Variants in SEMA6A observed in about 807,000 individuals in gnomAD.
SEMA6A encodes the protein semaphorin 6A, also known as semaphorin-6A.
A neutral mutation model predicts 96.8 loss-of-function variants in SEMA6A; 25 were observed. That is an observed-to-expected ratio of 0.26 (90% CI 0.19 to 0.36). The LOEUF (loss-of-function observed/expected upper bound fraction) is 0.36, where lower values mean the gene tolerates loss of function less well. SEMA6A is among the 10% of genes least tolerant of loss of function. The pLI is 1.00. For synonymous variants in SEMA6A, 612 were observed against 518.0 expected (o/e 1.18, Z -2.46); for missense variants, 1,363 against 1,323.1 (o/e 1.03, Z -0.47).
At chr5:116,525,220 G>A (rs1001109536) in intron 1 of SEMA6A, among the ~76,000 whole-genome samples, 1 of 152,166 alleles carries the variant, frequency 6.6e-6, no homozygotes, top group African/African-American at 2.4e-5. Context: ...CTTTCATGGA[G>A]CTTATATTCT....
intron 1 of SEMA6A, among the ~76,000 whole-genome samples, chr5:116,570,291 G>T (rs1209175300): frequency 1.3e-5 from 2 of 152,162 alleles, no homozygotes; most frequent in African/African-American, 4.8e-5. Context: ...AAGCCTTCAC[G>T]CTGAAATAGA....
chr5:116,532,079 G>A (rs944950616), intron 1 of SEMA6A, among the ~76,000 whole-genome samples: 9 of 152,124 alleles, frequency 5.9e-5, no homozygotes, highest in African/African-American at 1.7e-4. Context: ...CAAGTCAAAC[G>A]CTTCTATAGA....
intron 18 of SEMA6A, among the ~76,000 whole-genome samples, chr5:116,459,013 A>G (rs966181605): frequency 2.0e-5 from 3 of 152,180 alleles, no homozygotes; most frequent in Non-Finnish European, 2.9e-5. Flanking sequence ...GAGACTACAT[A>G]TAGATTCCTT....
intron 11 of SEMA6A, 44 bp from the exon 12 acceptor site, chr5:116,480,321 G>C (rs1203131076): frequency 3.7e-6 from 6 of 1,606,834 alleles, no homozygotes; most frequent in African/African-American, 2.7e-5. Flanking sequence ...CTTATTTTCT[G>C]CCTTATGGCA....
intron 1 of SEMA6A, among the ~76,000 whole-genome samples, chr5:116,538,813 T>C (rs1759837124): frequency 1.3e-5 from 2 of 152,094 alleles, no homozygotes; most frequent in African/African-American, 4.8e-5. Flanking sequence ...ACCATCATCA[T>C]CTTGAACCTT....
chr5:116,466,134 G>A (rs949948598), intron 18 of SEMA6A, among the ~76,000 whole-genome samples: 1 of 149,988 alleles, frequency 6.7e-6, no homozygotes, highest in South Asian at 2.1e-4. Flanking sequence ...ACTTTGGGAA[G>A]CCGAGGCGGG....
intron 1 of SEMA6A, among the ~76,000 whole-genome samples, chr5:116,543,208 A>G (rs1251181166): frequency 6.6e-6 from 1 of 152,160 alleles, no homozygotes; most frequent in African/African-American, 2.4e-5. Flanking sequence ...ACAACTAACT[A>G]AATTTTACTT....
chr5:116,571,479 C>T (rs1761209400), intron 1 of SEMA6A, among the ~76,000 whole-genome samples: 1 of 152,154 alleles, frequency 6.6e-6, no homozygotes, highest in Admixed American at 6.5e-5. Context: ...TGAAAAATGA[C>T]TCATAACCAA....
rs1561475507 is a variant in SEMA6A at position 116,467,764 on chromosome 5, TAC to T, written c.1730-19_1730-18del. ...TGGAATGCCCTGTTTTCATCACAAA[TAC>T]AGTTAGGAAAACATCACCAGAGAGA... is the stretch of plus-strand genomic sequence containing the variant. On this transcript the variant is annotated intron_variant, in intron 17 of 18. Transcript: ENST00000343348. 1.9e-6 allele frequency: 3 copies of T among 1,612,838 alleles called. No individual in the cohort carries two copies. Among genetic ancestry groups the T allele is most frequent in the African/African-American group, 2.7e-5 (2 of 74,846 alleles).
In SEMA6A at chr5:116,503,183, G is replaced by C. The variant is rs146329402; in HGVS notation, c.101-856C>G. ...CAAACTCAGGAGGAAAGAAAGATGA[G>C]CCACATTTAAAAGGCACTTGTTTTC... On this transcript the variant is annotated intron_variant, in intron 2 of 18. Coordinates refer to ENST00000343348, the MANE Select transcript of SEMA6A (RefSeq NM_020796.5). Among the ~76,000 whole-genome samples the C allele has an allele frequency of 2.0e-5, 3 of 152,244 alleles. No homozygotes were observed. In the East Asian group the frequency reaches 5.8e-4, roughly 29 times the overall value.
chr5:116,448,381 C>A (rs1468358365), intron 18 of SEMA6A, among the ~76,000 whole-genome samples: 1 of 152,020 alleles, frequency 6.6e-6, no homozygotes, highest in Non-Finnish European at 1.5e-5. Context: ...TTCACTCTTT[C>A]CAGTACCTGC....
chr5:116,468,073 T>G (rs544564681), intron 17 of SEMA6A: 1 of 287,702 alleles, frequency 3.5e-6, no homozygotes. Flanking sequence ...GGGAGGATAG[T>G]GACATAATGG....
At chr5:116,569,947 A>G (rs1186870439) in intron 1 of SEMA6A, among the ~76,000 whole-genome samples, 1 of 152,182 alleles carries the variant, frequency 6.6e-6, no homozygotes, top group Non-Finnish European at 1.5e-5. Flanking sequence ...TAAGCTGAAG[A>G]GGTTATTTGG....
chr5:116,517,512 C>A (rs1270588956), intron 1 of SEMA6A, among the ~76,000 whole-genome samples: 2 of 151,992 alleles, frequency 1.3e-5, no homozygotes, highest in African/African-American at 4.8e-5. Context: ...AAGTGTATGT[C>A]GTATCATACT....
intron 1 of SEMA6A, among the ~76,000 whole-genome samples, chr5:116,536,778 A>T (rs921081310): frequency 7.1e-6 from 1 of 139,916 alleles, no homozygotes; most frequent in African/African-American, 2.5e-5. Context: ...TCCGCGGGAG[A>T]TGTTCTCAGC....
intron 2 of SEMA6A, 60 bp from the exon 3 acceptor site, chr5:116,502,387 G>A (rs1757927355): frequency 2.1e-6 from 3 of 1,438,220 alleles, no homozygotes; most frequent in Non-Finnish European, 2.9e-6. Flanking sequence ...AATTGACAGG[G>A]TAGGGAGGGG....
intron 17 of SEMA6A, 88 bp downstream of exon 17, chr5:116,472,985 T>C (rs772846855): frequency 6.6e-7 from 1 of 1,519,508 alleles, no homozygotes; most frequent in Non-Finnish European, 8.8e-7. Context: ...AAACTTAAGA[T>C]TTGAACATAC....
chr5:116,484,883 G>A (rs944247201), intron 10 of SEMA6A, among the ~76,000 whole-genome samples: 1 of 152,212 alleles, frequency 6.6e-6, no homozygotes, highest in Non-Finnish European at 1.5e-5. Flanking sequence ...AGGCTGCATG[G>A]CAGAGGATGG....
intron 18 of SEMA6A, among the ~76,000 whole-genome samples, chr5:116,463,430 A>ATTTATAAAT (rs966435783): frequency 1.3e-5 from 2 of 152,252 alleles, no homozygotes; most frequent in Non-Finnish European, 2.9e-5. Context: ...ATAAAATTCC[A>ATTTATAAAT]TTTAGGATTG....
Sources: allele counts gnomAD v4.1 joint callset (sites outside exome capture counted in the v4.1 genomes callset), GRCh38; gene constraint gnomAD v4.1.1; transcripts MANE v1.5; gene names NCBI Gene and HGNC (gene_info 2026-07-23, HGNC 2026-07-21).